PTPRT: variants seen among roughly 807,000 people sequenced by gnomAD.
PTPRT encodes the protein receptor-type tyrosine-protein phosphatase T.
PTPRT carries 56 observed loss-of-function variants against 176.8 expected under a neutral mutation model. The observed-to-expected ratio is 0.32, with a 90% CI of 0.26 to 0.40. The LOEUF (loss-of-function observed/expected upper bound fraction) is 0.40, where lower values mean the gene tolerates loss of function less well. PTPRT is among the 10% of genes least tolerant of loss of function. The pLI, the probability that PTPRT is intolerant of heterozygous loss-of-function variation, is 1.00. For missense variants in PTPRT, 1,540 were observed against 1,908.2 expected, an observed-to-expected ratio of 0.81 and a Z score of 3.60; for synonymous variants, 783 against 739.0, an observed-to-expected ratio of 1.06 and a Z score of -0.96.
intron 14 of PTPRT, among the ~76,000 whole-genome samples, chr20:42,239,043 GATTAT>G (rs1289078855): frequency 3.3e-5 from 5 of 152,146 alleles, no homozygotes; most frequent in Non-Finnish European, 7.4e-5. Context: ...ATTGATATTA[GATTAT>G]ATTAATCTAA....
At chr20:42,979,280 G>T (rs1323400262) in intron 1 of PTPRT, among the ~76,000 whole-genome samples, 1 of 151,986 alleles carries the variant, frequency 6.6e-6, no homozygotes, top group African/African-American at 2.4e-5. Flanking sequence ...ATATATCAAG[G>T]ATAGTTAGCC....
At chr20:42,365,746 G>T (rs745979576) in intron 9 of PTPRT, among the ~76,000 whole-genome samples, 3 of 152,184 alleles carry the variant, frequency 2.0e-5, no homozygotes, top group Non-Finnish European at 2.9e-5. Flanking sequence ...AAGCCATTTT[G>T]GGTCGCATGT....
chr20:42,235,882 G>A (rs767535797), intron 15 of PTPRT, among the ~76,000 whole-genome samples: 4 of 152,222 alleles, frequency 2.6e-5, no homozygotes, highest in Non-Finnish European at 5.9e-5. Flanking sequence ...TGCTAAGACT[G>A]TGATTCTGTC....
intron 7 of PTPRT, among the ~76,000 whole-genome samples, chr20:42,568,535 G>A (rs192529900): frequency 6.6e-6 from 1 of 152,302 alleles, no homozygotes; most frequent in East Asian, 1.9e-4. Flanking sequence ...TCGCCAGGCT[G>A]TGCTAAGAAC....
intron 1 of PTPRT, among the ~76,000 whole-genome samples, chr20:42,988,377 T>C (rs1381557965): frequency 6.6e-6 from 1 of 152,146 alleles, no homozygotes; most frequent in Non-Finnish European, 1.5e-5. Flanking sequence ...TTGCCCTTAG[T>C]TGAAGTGGTG....
intron 6 of PTPRT, among the ~76,000 whole-genome samples, chr20:42,717,378 A>G (rs2076241682): frequency 6.6e-6 from 1 of 152,134 alleles, no homozygotes; most frequent in Non-Finnish European, 1.5e-5. Flanking sequence ...CACCTGATAT[A>G]TTATAAAGGT....
chr20:42,257,650 C>T (rs867917446), intron 13 of PTPRT, among the ~76,000 whole-genome samples: 1 of 87,984 alleles, frequency 1.1e-5, no homozygotes, highest in Non-Finnish European at 2.3e-5. Flanking sequence ...CCCACCCCCC[C>T]CCCCCCGCCC....
chr20:42,926,431 A>T (rs1979489397), intron 1 of PTPRT, among the ~76,000 whole-genome samples: 1 of 152,024 alleles, frequency 6.6e-6, no homozygotes, highest in African/African-American at 2.4e-5. Flanking sequence ...AGTGCAATTC[A>T]CCCCACTGTG....
At chr20:42,184,212 C>A (rs946223618) in intron 16 of PTPRT, among the ~76,000 whole-genome samples, 2 of 152,148 alleles carry the variant, frequency 1.3e-5, no homozygotes, top group African/African-American at 4.8e-5. Context: ...AAACTCCTGG[C>A]CCAAAGAATT....
chr20:42,754,991 G>C (rs959832271), intron 6 of PTPRT, among the ~76,000 whole-genome samples: 1 of 152,146 alleles, frequency 6.6e-6, no homozygotes, highest in Non-Finnish European at 1.5e-5. Context: ...GATCCTAAAA[G>C]GGGAGACAAA....
chr20:42,885,381 A>T (rs1568659895), intron 2 of PTPRT, among the ~76,000 whole-genome samples: 1 of 148,604 alleles, frequency 6.7e-6, no homozygotes, highest in Non-Finnish European at 1.5e-5. Flanking sequence ...TATAACAATA[A>T]TATAATAATA....
chr20:42,232,603 C>T (rs966395842), intron 15 of PTPRT, among the ~76,000 whole-genome samples: 2 of 151,688 alleles, frequency 1.3e-5, no homozygotes, highest in Non-Finnish European at 2.9e-5. Flanking sequence ...CTCTCTCAAT[C>T]CTATCATCTC....
the PTPRT span, among the ~76,000 whole-genome samples, chr20:42,062,624 C>G: frequency 6.6e-6 from 1 of 152,162 alleles, no homozygotes; most frequent in South Asian, 2.1e-4. Flanking sequence ...ATGTCTCAAG[C>G]CCTTATTCCA....
chr20:42,541,822 A>T (rs972172660), intron 7 of PTPRT, among the ~76,000 whole-genome samples: 2 of 146,696 alleles, frequency 1.4e-5, no homozygotes, highest in African/African-American at 5.5e-5. Context: ...TTAAAATTTT[A>T]AAAAATTTTA....
chr20:42,103,738 G>A (rs1986164005), intron 25 of PTPRT, among the ~76,000 whole-genome samples: 1 of 152,226 alleles, frequency 6.6e-6, no homozygotes, highest in African/African-American at 2.4e-5. Flanking sequence ...GAGGACCTGA[G>A]TCCCTCCAGG....
At chr20:42,227,175 A>G (rs1358803028) in intron 15 of PTPRT, among the ~76,000 whole-genome samples, 1 of 151,700 alleles carries the variant, frequency 6.6e-6, no homozygotes, top group Non-Finnish European at 1.5e-5. Flanking sequence ...AAGAGGAGAG[A>G]AGGGGAAGAG....
At chr20:42,609,342 G>A (rs539246859) in intron 7 of PTPRT, among the ~76,000 whole-genome samples, 49 of 152,240 alleles carry the variant, frequency 3.2e-4, no homozygotes, top group Non-Finnish European at 4.4e-4. Context: ...CCAAAGTGCT[G>A]GGATTGCAGA....
chr20:42,375,762 G>T (rs747396852), intron 9 of PTPRT, among the ~76,000 whole-genome samples: 13 of 152,316 alleles, frequency 8.5e-5, no homozygotes, highest in African/African-American at 2.6e-4. Context: ...ATAAAAGGAA[G>T]TGAATGATAG....
intron 7 of PTPRT, among the ~76,000 whole-genome samples, chr20:42,563,868 C>A (rs1243835903): frequency 1.3e-5 from 2 of 152,188 alleles, no homozygotes; most frequent in East Asian, 1.9e-4. Flanking sequence ...AGATTTAACA[C>A]AAGAAAGATT....
Sources: allele counts gnomAD v4.1 joint callset (sites outside exome capture counted in the v4.1 genomes callset), GRCh38; gene constraint gnomAD v4.1.1; transcripts MANE v1.5; gene names NCBI Gene and HGNC (gene_info 2026-07-23, HGNC 2026-07-21).